Variants in ODAD2 observed in about 807,000 individuals in gnomAD.
The protein encoded by ODAD2 is outer dynein arm docking complex subunit 2.
ODAD2 carries 89 observed loss-of-function variants against 106.8 expected under a neutral mutation model. The observed-to-expected ratio is 0.83, with a 90% CI of 0.70 to 0.99. The LOEUF is 0.99. ODAD2 is among the 50% of genes least tolerant of loss of function. The pLI, the probability that ODAD2 is intolerant of heterozygous loss-of-function variation, is 0.00. For synonymous variants in ODAD2, 404 were observed against 436.2 expected, an observed-to-expected ratio of 0.93 and a Z score of 0.92; for missense variants, 1,168 against 1,238.5, an observed-to-expected ratio of 0.94 and a Z score of 0.85.
At chr10:27,993,564 T>C (rs939783569) in intron 2 of ODAD2, among the ~76,000 whole-genome samples, 11 of 151,962 alleles carry the variant, frequency 7.2e-5, no homozygotes, top group African/African-American at 2.7e-4. Flanking sequence ...GCAGGAGAAT[T>C]GCTTGAACCA....
intron 1 of ODAD2, among the ~76,000 whole-genome samples, chr10:27,995,433 G>C (rs904275664): frequency 2.6e-5 from 4 of 152,054 alleles, no homozygotes; most frequent in African/African-American, 9.7e-5. Flanking sequence ...TTTCCCTAGG[G>C]CCTAAGAGAG....
intron 17 of ODAD2, among the ~76,000 whole-genome samples, chr10:27,866,979 C>A (rs1391714605): frequency 6.7e-6 from 1 of 149,864 alleles, no homozygotes; most frequent in Non-Finnish European, 1.5e-5. Context: ...CACAGAACTT[C>A]TTTTTTTTTT....
chr10:27,959,192 AGGAGGGGAGG>A lies in ODAD2; in HGVS notation c.1386+2366_1386+2375del, dbSNP rs1209178121. Among the ~76,000 whole-genome samples the A allele has an allele frequency of 6.1e-3, 104 of 17,018 alleles. 1 individual carries two copies. The highest frequency in any genetic ancestry group is 9.1e-3 in the Non-Finnish European group (87 of 9,564). The allele number at this position is 17,018 out of a possible 152,430, so 11.2% of individuals were successfully genotyped here. On this transcript the variant is annotated intron_variant, in intron 10 of 19. Transcript: ENST00000305242. ...GAGAGGAGAGGGGAGGGGAGTGGAG[AGGAGGGGAGG>A]GGAGGGGAGGGGAGGGGAGGGGAGG...
intron 16 of ODAD2, among the ~76,000 whole-genome samples, chr10:27,923,737 C>T (rs1346680588): frequency 6.6e-6 from 1 of 151,842 alleles, no homozygotes; most frequent in Admixed American, 6.6e-5. Context: ...CACTTGAGGA[C>T]AGGAGTTCAA....
chr10:27,841,135 A>G (rs1485154927), intron 19 of ODAD2, among the ~76,000 whole-genome samples: 3 of 152,180 alleles, frequency 2.0e-5, no homozygotes, highest in Admixed American at 2.0e-4. Context: ...TAATATTCTA[A>G]TATTGGATAA....
At chr10:27,986,839 A>G (rs1038182283) in intron 3 of ODAD2, among the ~76,000 whole-genome samples, 1 of 151,642 alleles carries the variant, frequency 6.6e-6, no homozygotes, top group Non-Finnish European at 1.5e-5. Flanking sequence ...TATTTGCCAC[A>G]AAGTTGAATG....
At chr10:27,835,196 C>T (rs957115697) in intron 19 of ODAD2, among the ~76,000 whole-genome samples, 1 of 152,206 alleles carries the variant, frequency 6.6e-6, no homozygotes, top group African/African-American at 2.4e-5. Context: ...ATCTACATGG[C>T]TTCTTGGCCC....
intron 17 of ODAD2, among the ~76,000 whole-genome samples, chr10:27,903,446 C>T (rs1843357261): frequency 6.6e-6 from 1 of 152,124 alleles, no homozygotes; most frequent in African/African-American, 2.4e-5. Context: ...GAAGTTCTGG[C>T]CGGGGCAATC....
chr10:27,880,510 A>G (rs1841631326), intron 17 of ODAD2, among the ~76,000 whole-genome samples: 1 of 152,212 alleles, frequency 6.6e-6, no homozygotes. Flanking sequence ...ATGTCCCCTC[A>G]AAATTCATGT....
At chr10:27,869,058 G>C (rs966991220) in intron 17 of ODAD2, among the ~76,000 whole-genome samples, 2 of 151,756 alleles carry the variant, frequency 1.3e-5, no homozygotes, top group African/African-American at 4.8e-5. Flanking sequence ...GTTGTAATTA[G>C]GTGATTAATT....
chr10:27,940,931 A>C, intron 12 of ODAD2, 126 bp from the exon 13 acceptor site: 1 of 1,006,606 alleles, frequency 9.9e-7, no homozygotes, highest in East Asian at 2.6e-5. Context: ...TTAAAAAATC[A>C]CTTTTCGTAC....
chr10:27,876,971 A>G (rs927938637), intron 17 of ODAD2, among the ~76,000 whole-genome samples: 4 of 152,162 alleles, frequency 2.6e-5, no homozygotes, highest in African/African-American at 9.7e-5. Context: ...CTCTTCCAGG[A>G]CAAAGAGACT....
chr10:27,924,001 AGAAAGAAAGAAAGAAAGAAAGAAG>A lies in ODAD2; in HGVS notation c.2495+10985_2495+11008del, dbSNP rs1564509091. Among the ~76,000 whole-genome samples the A allele has an allele frequency of 2.2e-4, 31 of 139,858 alleles. 2 individuals are homozygous for A. Among genetic ancestry groups the A allele is most frequent in the African/African-American group, 7.6e-4 (28 of 36,602 alleles). 91.8% of individuals were successfully genotyped at this position (139,858 alleles called of 152,430 possible). Reference sequence around the variant, plus strand: ...AAGAAAGAAAGAAAGAAAGAAAGAAAGAAAGAAAGAAAGAAAGAAAGAAGGAAAGAGAAAGAAAGAAGGAAAGAG... The same window carrying A: ...AAGAAAGAAAGAAAGAAAGAAAGAAAGAAAGAGAAAGAAAGAAGGAAAGAG... On this transcript the variant is annotated intron_variant, in intron 16 of 19. Transcript: ENST00000305242.
chr10:27,882,181 G>GAAAGAAAGAAAGAAAGAA (rs1841765904), intron 17 of ODAD2, among the ~76,000 whole-genome samples: 1 of 132,298 alleles, frequency 7.6e-6, no homozygotes, highest in Non-Finnish European at 1.7e-5. Flanking sequence ...AAAAAAGAAA[G>GAAAGAAAGAAAGAAAGAA]AAAGAAAGAA....
At chr10:27,906,509 G>A (rs1478947736) in intron 17 of ODAD2, among the ~76,000 whole-genome samples, 2 of 152,070 alleles carry the variant, frequency 1.3e-5, no homozygotes, top group African/African-American at 2.4e-5. Flanking sequence ...TCCCATTATT[G>A]GGTATATACC....
At chr10:27,901,071 G>T (rs1427651520) in intron 17 of ODAD2, among the ~76,000 whole-genome samples, 1 of 152,080 alleles carries the variant, frequency 6.6e-6, no homozygotes, top group Non-Finnish European at 1.5e-5. Context: ...GAGAAATGTT[G>T]GGTTACCCAC....
At chr10:27,990,744 TC>T (rs1850180219) in intron 2 of ODAD2, among the ~76,000 whole-genome samples, 1 of 152,126 alleles carries the variant, frequency 6.6e-6, no homozygotes, top group South Asian at 2.1e-4. Context: ...AAAGCTAAGG[TC>T]CAGAAAGGTA....
At chr10:27,966,595 T>A (rs1227245294) in intron 9 of ODAD2, among the ~76,000 whole-genome samples, 1 of 152,172 alleles carries the variant, frequency 6.6e-6, no homozygotes, top group Non-Finnish European at 1.5e-5. Context: ...AAGAAGCAAA[T>A]GTCAATGCTG....
chr10:27,931,274 T>C (rs1315864700), intron 16 of ODAD2, among the ~76,000 whole-genome samples: 1 of 152,312 alleles, frequency 6.6e-6, no homozygotes, highest in Non-Finnish European at 1.5e-5. Context: ...CAGGTGCGTT[T>C]TACATTTTAA....
Sources: allele counts gnomAD v4.1 joint callset (sites outside exome capture counted in the v4.1 genomes callset), GRCh38; gene constraint gnomAD v4.1.1; transcripts MANE v1.5; gene names NCBI Gene and HGNC (gene_info 2026-07-23, HGNC 2026-07-21).